The following EXOC6 variants were observed in gnomAD, a reference collection of about 807,000 sequenced individuals.
EXOC6 encodes the protein SEC15-like 1.
EXOC6 carries 60 observed loss-of-function variants against 112.5 expected under a neutral mutation model. That is an observed-to-expected ratio of 0.53 (90% CI 0.43 to 0.66). The LOEUF (loss-of-function observed/expected upper bound fraction) is 0.66. EXOC6 is among the 30% of genes least tolerant of loss of function. EXOC6 has a pLI of 0.00. For missense variants in EXOC6, 855 were observed against 957.1 expected (o/e 0.89, Z 1.41); for synonymous variants, 295 against 308.0 (o/e 0.96, Z 0.44).
intron 20 of EXOC6, among the ~76,000 whole-genome samples, chr10:93,041,378 C>T (rs1385279624): frequency 2.0e-5 from 3 of 152,038 alleles, no homozygotes; most frequent in African/African-American, 7.2e-5. Flanking sequence ...ATGTCAGCTC[C>T]CTTGTTTGTT....
intron 20 of EXOC6, among the ~76,000 whole-genome samples, chr10:93,047,810 G>A (rs1564938083): frequency 1.3e-5 from 2 of 152,092 alleles, no homozygotes; most frequent in South Asian, 4.2e-4. Flanking sequence ...GCTGGGTGTG[G>A]TGGCGTGTTC....
At chr10:92,848,915 CGCTGCGGCCCCGCGTTCTCCTCCTG>C (rs990382704) in intron 1 of EXOC6, among the ~76,000 whole-genome samples, 3 of 152,102 alleles carry the variant, frequency 2.0e-5, no homozygotes, top group Admixed American at 6.5e-5. Flanking sequence ...CCGGGCCCCG[CGCTGCGGCCCCGCGTTCTCCTCCTG>C]GCTGCGGCCC....
chr10:92,849,645 G>A (rs546262374), intron 1 of EXOC6, among the ~76,000 whole-genome samples: 3 of 152,178 alleles, frequency 2.0e-5, no homozygotes, highest in African/African-American at 7.2e-5. Context: ...AGAATAGAGC[G>A]CTGTACAGTT....
At chr10:92,995,718 T>C (rs1843454292) in intron 18 of EXOC6, among the ~76,000 whole-genome samples, 1 of 152,184 alleles carries the variant, frequency 6.6e-6, no homozygotes, top group African/African-American at 2.4e-5. Flanking sequence ...TGGGGGATCT[T>C]GGATCATGCT....
At chr10:92,968,948 T>C (rs1197908106) in intron 17 of EXOC6, among the ~76,000 whole-genome samples, 1 of 152,206 alleles carries the variant, frequency 6.6e-6, no homozygotes, top group East Asian at 1.9e-4. Context: ...GAGTCATTTC[T>C]TCGTTACTCA....
intron 12 of EXOC6, among the ~76,000 whole-genome samples, 157 bp from the exon 13 acceptor site, chr10:92,940,570 A>T (rs1393565891): frequency 6.6e-6 from 1 of 152,190 alleles, no homozygotes; most frequent in Non-Finnish European, 1.5e-5. Context: ...AATGCAATGT[A>T]GTAGAAAGTC....
chr10:92,984,581 C>A lies in EXOC6; in HGVS notation c.1953+10349C>A, dbSNP rs1471202301. 3.3e-5 allele frequency among the ~76,000 whole-genome samples: 5 copies of A among 151,892 alleles called. No homozygotes were observed. The East Asian group carries it at 9.7e-4, about 29-fold the overall frequency. Reference sequence around the variant, plus strand: ...AATTACCAGTCGGTTTTGCTGAATTCCCGTAAAACTTCAGTAACTTTAATA... The same window carrying A: ...AATTACCAGTCGGTTTTGCTGAATTACCGTAAAACTTCAGTAACTTTAATA... On this transcript the variant is annotated intron_variant, in intron 18 of 21. Transcript: ENST00000260762.
intron 14 of EXOC6, among the ~76,000 whole-genome samples, chr10:92,950,863 A>G (rs759275012): frequency 5.9e-5 from 9 of 152,194 alleles, no homozygotes; most frequent in Non-Finnish European, 1.2e-4. Context: ...CAGGGAGACC[A>G]CCTAGTAGAT....
intron 20 of EXOC6, among the ~76,000 whole-genome samples, chr10:93,054,613 C>T (rs1846460097): frequency 6.6e-6 from 1 of 152,210 alleles, no homozygotes; most frequent in Non-Finnish European, 1.5e-5. Context: ...TTATCCAGGA[C>T]AGTCTGGTCT....
chr10:92,939,015 A>C (rs112601755), intron 12 of EXOC6, among the ~76,000 whole-genome samples: 2 of 152,240 alleles, frequency 1.3e-5, no homozygotes, highest in African/African-American at 4.8e-5. Context: ...GTGTGGTGAA[A>C]GTGAAACTGA....
At position 92,827,414 on chromosome 10, in the gene EXOC6, C is replaced by G. The variant is rs770246464; in HGVS notation, c.-27+470C>G. Among the ~76,000 whole-genome samples, 34 of 125,530 alleles carry G rather than the reference C, an allele frequency of 2.7e-4. No individual in the cohort carries two copies. In the Admixed American group the frequency reaches 3.8e-3, roughly 14 times the overall value. 82.4% of individuals were successfully genotyped at this position (125,530 alleles called of 152,430 possible). ...GCTTGAGCCCAGGAGGCGGAGGTTG[C>G]AGTGAGACGAGATGGCACCACTGCA... On this transcript the variant is annotated intron_variant, in intron 1 of 22. Coordinates refer to the EXOC6 transcript ENST00000671701.
chr10:92,882,175 C>T (rs554322887), intron 1 of EXOC6, among the ~76,000 whole-genome samples: 2 of 152,126 alleles, frequency 1.3e-5, no homozygotes, highest in South Asian at 2.1e-4. Flanking sequence ...TTTCATATTG[C>T]TAACTAACTA....
chr10:92,835,580 ATGTG>A (rs1286292696), intron 1 of EXOC6, among the ~76,000 whole-genome samples: 1 of 145,150 alleles, frequency 6.9e-6, no homozygotes, highest in East Asian at 2.0e-4. Context: ...GTGGAAGGAT[ATGTG>A]TGTGTGTGTA....
chr10:92,954,519 T>C (rs1407915028), intron 15 of EXOC6, 111 bp from the exon 16 acceptor site: 7 of 526,446 alleles, frequency 1.3e-5, no homozygotes, highest in Non-Finnish European at 2.3e-5. Flanking sequence ...TTTAAAGATA[T>C]AAAATAATGA....
At chr10:92,997,881 C>G (rs1843567851) in intron 19 of EXOC6, among the ~76,000 whole-genome samples, 1 of 152,080 alleles carries the variant, frequency 6.6e-6, no homozygotes, top group Non-Finnish European at 1.5e-5. Flanking sequence ...CCCATTATTC[C>G]TTGTCTGGTC....
intron 6 of EXOC6, among the ~76,000 whole-genome samples, chr10:92,914,123 A>G (rs2133886818): frequency 6.6e-6 from 1 of 152,320 alleles, no homozygotes; most frequent in South Asian, 2.1e-4. Flanking sequence ...CTTGCTAAAG[A>G]GGATTACTGC....
intron 20 of EXOC6, among the ~76,000 whole-genome samples, chr10:93,030,267 T>C (rs1590072667): frequency 1.3e-5 from 2 of 152,078 alleles, no homozygotes; most frequent in South Asian, 2.1e-4. Flanking sequence ...AGTCGCAGAC[T>C]CCTGAGCTCA....
intron 1 of EXOC6, among the ~76,000 whole-genome samples, chr10:92,883,342 C>T (rs577172236): frequency 7.9e-5 from 12 of 152,166 alleles, no homozygotes; most frequent in Admixed American, 7.8e-4. Context: ...TAAAAACTGT[C>T]TTTATAGCAG....
At chr10:92,845,499 G>A (rs375553803), upstream of EXOC6, among the ~76,000 whole-genome samples, 13 of 144,290 alleles carry the variant, frequency 9.0e-5, no homozygotes, top group South Asian at 1.9e-3. Context: ...GTTGCAGTGA[G>A]CCAAGATCGC....
Sources: allele counts gnomAD v4.1 joint callset (sites outside exome capture counted in the v4.1 genomes callset), GRCh38; gene constraint gnomAD v4.1.1; transcripts MANE v1.5; gene names NCBI Gene and HGNC (gene_info 2026-07-23, HGNC 2026-07-21).